NGRN: variants seen among roughly 807,000 people sequenced by gnomAD.
NGRN encodes neugrin.
Under a neutral mutation model 13.1 loss-of-function variants are expected in NGRN, and 12 were observed. The observed-to-expected ratio is 0.92, with a 90% confidence interval of 0.59 to 1.49. The LOEUF (loss-of-function observed/expected upper bound fraction) is 1.49, where lower values mean the gene tolerates loss of function less well. Among genes scored for constraint, NGRN ranks in the 40% most tolerant of loss-of-function variants. NGRN has a pLI of 0.00. For missense variants in NGRN, 397 were observed against 357.0 expected (o/e 1.11, Z -0.90); for synonymous variants, 149 against 145.8 (o/e 1.02, Z -0.16).
Position 90,266,341 on chromosome 15 carries a change from T to A in NGRN, c.218T>A (p.Met73Lys). 1 of 1,613,836 alleles carries A rather than the reference T, an allele frequency of 6.2e-7. No individual in the cohort carries two copies. Among genetic ancestry groups the A allele is most frequent in the Non-Finnish European group, 8.5e-7 (1 of 1,179,910 alleles). Residue 73 changes from methionine (M) to lysine (K), a missense_variant, in exon 2 of 3, where the codon ATG becomes AAG. Coordinates refer to ENST00000379095, the MANE Select transcript of NGRN (RefSeq NM_001033088.3). ...CGATTCCAGAAAATTCGGAGGCAAA[T>A]GGAGGCGCCTGGTGCCCCGCCCAGG... ...AIRFQKIRRQ[M>K]EAPGAPPRTL...
In NGRN at chr15:90,265,736, G is replaced by T. The variant is rs144264783; in HGVS notation, c.24G>T (p.Leu8Phe). Residue 8 changes from leucine (L) to phenylalanine (F), a missense_variant, in exon 1 of 3, where the codon TTG becomes TTT. By Grantham distance (22) the Leu-to-Phe change is conservative (BLOSUM62 0). Transcript: ENST00000379095. The part of the protein sequence containing the change: MAVTLSL[L>F]LGGRVCAAVT... The stretch of plus-strand genomic sequence containing the variant: ...ACATGGCGGTTACCCTGAGTCTCTT[G>T]CTGGGCGGGCGCGTTTGCGCCGCCG... 4 of 1,613,208 alleles carry T rather than the reference G, an allele frequency of 2.5e-6. No homozygotes were observed. The highest frequency in any genetic ancestry group is 2.2e-5 in the South Asian group (2 of 91,068).
At chr15:90,266,677 G>A (rs1963429016) in intron 2 of NGRN, among the ~76,000 whole-genome samples, 1 of 152,172 alleles carries the variant, frequency 6.6e-6, no homozygotes, top group Non-Finnish European at 1.5e-5. Context: ...GCCTCTCAGA[G>A]TGCTGGGATT....
At position 90,268,133 on chromosome 15, in the gene NGRN, G is replaced by C. The variant is rs531876822; in HGVS notation, c.275+1735G>C. ...TTCTTGGACCTCAGCCTCCCAAGTA[G>C]CTGGGATTACAGGCGTGCACCACCA... On this transcript the variant is annotated intron_variant, in intron 2 of 2. Coordinates refer to ENST00000379095, the MANE Select transcript of NGRN (RefSeq NM_001033088.3). 1.9e-4 allele frequency among the ~76,000 whole-genome samples: 29 copies of C among 152,240 alleles called. No homozygotes were observed. In the South Asian group the frequency reaches 6.0e-3, roughly 32 times the overall value.
intron 2 of NGRN, among the ~76,000 whole-genome samples, chr15:90,268,411 C>T (rs1424342955): frequency 6.6e-6 from 1 of 151,278 alleles, no homozygotes; most frequent in Non-Finnish European, 1.5e-5. Flanking sequence ...AAAAACAGTC[C>T]ATTAAGTAAA....
Position 90,271,236 on chromosome 15 carries a change from T to A in NGRN, c.324T>A (p.Ala108=). 6.2e-7 allele frequency: 1 copy of A among 1,614,202 alleles called. No individual in the cohort carries two copies. ...FPESWSVPRL[A]EGFDVSTDVI... ...AGTCCTGGTCAGTTCCCAGGTTGGC[T>A]GAAGGCTTTGATGTCAGCACTGATG... The change falls in exon 3 of 3, where the codon GCT becomes GCA. Residue 108 remains alanine (A), a synonymous_variant. Coordinates refer to ENST00000379095, the MANE Select transcript of NGRN (RefSeq NM_001033088.3).
Position 90,266,415 on chromosome 15 carries a change from C to T in NGRN, c.275+17C>T, listed in dbSNP as rs765031862. ...GCAGATACGGTGAGACTCAGGATAC[C>T]TTGTTTGTATCCGCTGTGATGAGAA... On this transcript the variant is annotated intron_variant, in intron 2 of 2. Coordinates refer to ENST00000379095, the MANE Select transcript of NGRN (RefSeq NM_001033088.3). 1.9e-6 allele frequency: 3 copies of T among 1,593,690 alleles called. No homozygotes were observed. In the African/African-American group the frequency reaches 4.0e-5, roughly 21 times the overall value.
chr15:90,272,075 T>C lies in NGRN; in HGVS notation c.*287T>C. 2.6e-6 allele frequency: 1 copy of C among 377,618 alleles called. No homozygotes were observed. Among genetic ancestry groups the C allele is most frequent in the Non-Finnish European group, 4.8e-6 (1 of 208,620 alleles). 23.4% of individuals were successfully genotyped at this position (377,618 alleles called of 1,614,324 possible). On this transcript the variant is annotated 3_prime_UTR_variant, in exon 3 of 3. Transcript: ENST00000379095. Reference sequence around the variant, plus strand: ...TGTTGTTACAATTTTCTGTGATACTTGCAATTTATGTTTGAGAAGAAGTGA... The same window carrying C: ...TGTTGTTACAATTTTCTGTGATACTCGCAATTTATGTTTGAGAAGAAGTGA...
chr15:90,266,285 C>T lies in NGRN; in HGVS notation c.165-3C>T. 1 of 1,612,382 alleles carries T rather than the reference C, an allele frequency of 6.2e-7. No individual in the cohort carries two copies. Among genetic ancestry groups the T allele is most frequent in the South Asian group, 1.1e-5 (1 of 90,678 alleles). On this transcript the variant is annotated splice_region_variant and splice_polypyrimidine_tract_variant and intron_variant, in intron 1 of 2. Coordinates refer to ENST00000379095, the MANE Select transcript of NGRN (RefSeq NM_001033088.3). ...GCTTCTGCCATTGGTTCTCTTCCCC[C>T]AGCACCCTGAAACGACAGAAACAAG...
intron 2 of NGRN, 37 bp from the exon 3 acceptor site, chr15:90,271,148 ACTT>A (rs752178638): frequency 6.3e-6 from 10 of 1,582,850 alleles, no homozygotes; most frequent in South Asian, 1.2e-5. Context: ...CTGATAGGAG[ACTT>A]CTTCACAACT....
rs557742697 is a variant in NGRN, at chr15:90,266,523, T to G, written c.275+125T>G. 20 of 705,306 alleles carry G rather than the reference T, an allele frequency of 2.8e-5. No individual in the cohort carries two copies. The African/African-American group carries it at 3.1e-4, about 11-fold the overall frequency. The allele number at this position is 705,306 out of a possible 1,614,324, so 43.7% of individuals were successfully genotyped here. The stretch of plus-strand genomic sequence containing the variant: ...TTCGTTTACTTTTTGTCGTTGAAAT[T>G]TATTATCAGAAAAGTAGAGTAATAT... On this transcript the variant is annotated intron_variant, in intron 2 of 2. Transcript: ENST00000379095.
At chr15:90,267,974 C>T (rs943504879) in intron 2 of NGRN, among the ~76,000 whole-genome samples, 2 of 152,110 alleles carry the variant, frequency 1.3e-5, no homozygotes, top group African/African-American at 4.8e-5. Context: ...TCTGAGTCCT[C>T]AGTCAGGTCT....
At chr15:90,269,893 T>C (rs1355785313) in intron 2 of NGRN, among the ~76,000 whole-genome samples, 2 of 152,234 alleles carry the variant, frequency 1.3e-5, no homozygotes, top group African/African-American at 2.4e-5. Flanking sequence ...ATTTAGTCCC[T>C]TAGTACCAAG....
chr15:90,268,000 CGTTTGTTT>C (rs1000284543), intron 2 of NGRN, among the ~76,000 whole-genome samples: 1 of 151,834 alleles, frequency 6.6e-6, no homozygotes, highest in Non-Finnish European at 1.5e-5. Context: ...CTCTTTTTTT[CGTTTGTTT>C]GTTTGTTTTT....
intron 2 of NGRN, among the ~76,000 whole-genome samples, chr15:90,267,128 C>G (rs1017242025): frequency 6.6e-6 from 1 of 151,448 alleles, no homozygotes; most frequent in African/African-American, 2.4e-5. Flanking sequence ...ACCTCCTGGG[C>G]CCAAGCCATC....
In NGRN at chr15:90,266,476, T is replaced by G. The variant is rs969163978; in HGVS notation, c.275+78T>G. On this transcript the variant is annotated intron_variant, in intron 2 of 2. Coordinates refer to ENST00000379095, the MANE Select transcript of NGRN (RefSeq NM_001033088.3). ...CTGGAGCCCAGAAACGGGTTTGGCT[T>G]TTTTGATACTGCTTTTATATTTTCG... The G allele has an allele frequency of 1.6e-5, 17 of 1,032,134 alleles. No individual in the cohort carries two copies. In the Admixed American group the frequency reaches 4.7e-4, roughly 29 times the overall value. The allele number at this position is 1,032,134 out of a possible 1,614,324, so 63.9% of individuals were successfully genotyped here.
intron 2 of NGRN, among the ~76,000 whole-genome samples, chr15:90,269,401 C>T (rs759956311): frequency 3.8e-4 from 58 of 151,868 alleles, no homozygotes; most frequent in Non-Finnish European, 7.4e-4. Context: ...TATAGGTGTA[C>T]ATGTGCCATG....
chr15:90,269,086 C>G (rs1963469566), intron 2 of NGRN, among the ~76,000 whole-genome samples: 1 of 145,960 alleles, frequency 6.9e-6, no homozygotes, highest in African/African-American at 2.5e-5. Flanking sequence ...ACCTCTGCCT[C>G]CTGGGTTCAA....
chr15:90,271,491 G>C lies in NGRN; in HGVS notation c.579G>C (p.Val193=). 6.2e-7 allele frequency: 1 copy of C among 1,614,088 alleles called. No individual in the cohort carries two copies. Among genetic ancestry groups the C allele is most frequent in the South Asian group, 1.1e-5 (1 of 91,086 alleles). Residue 193 remains valine, a synonymous_variant, in exon 3 of 3, where the codon GTG becomes GTC. Transcript: ENST00000379095. ...KDPNHSTALK[V]IESDTHRTNT... ...CAAATCACAGCACAGCTTTGAAAGT[G>C]ATAGAGTCAGACACTCACAGGACAA...
rs1352211163 is a variant in NGRN, at chr15:90,271,685, T to C, written c.773T>C (p.Leu258Pro). The change falls in exon 3 of 3, where the codon CTG becomes CCG. Residue 258 changes from leucine to proline, a missense_variant. By Grantham distance (98) the Leu-to-Pro change is moderately conservative. Coordinates refer to ENST00000379095, the MANE Select transcript of NGRN (RefSeq NM_001033088.3). ...GGTGCGTTGCCAAGTGGTCAGAAGC[T>C]GGAGGAGTTGAAGGCAGAGGAGCCA... Reference protein sequence around the residue: ...GSGALPSGQKLEELKAEEPDN... With the variant: ...GSGALPSGQKPEELKAEEPDN... 1.7e-5 allele frequency: 28 copies of C among 1,614,160 alleles called. 1 individual carries two copies. The East Asian group carries it at 6.0e-4, about 35-fold the overall frequency.
Sources: allele counts gnomAD v4.1 joint callset (sites outside exome capture counted in the v4.1 genomes callset), GRCh38; gene constraint gnomAD v4.1.1; transcripts MANE v1.5; gene names NCBI Gene and HGNC (gene_info 2026-07-23, HGNC 2026-07-21).